FNDC3B: variants seen among roughly 807,000 people sequenced by gnomAD.
FNDC3B encodes fibronectin type III domain containing 3B.
In FNDC3B, 12 loss-of-function variants were observed where a neutral mutation model predicts 151.5. That is an observed-to-expected ratio of 0.08 (90% CI 0.05 to 0.13). The LOEUF (loss-of-function observed/expected upper bound fraction) is 0.13, where lower values mean the gene tolerates loss of function less well. Ranked by LOEUF, FNDC3B falls within the 10% of genes least tolerant of loss-of-function variation. The probability of loss-of-function intolerance (pLI) is 1.00; values close to 1 mark genes in which losing one functional copy is unlikely to be tolerated. For missense variants in FNDC3B, 1,214 were observed against 1,505.3 expected (o/e 0.81, Z 3.20); for synonymous variants, 528 against 549.0 (o/e 0.96, Z 0.54).
At chr3:172,202,487 G>A (rs1045216399) in intron 3 of FNDC3B, among the ~76,000 whole-genome samples, 2 of 152,016 alleles carry the variant, frequency 1.3e-5, no homozygotes, top group East Asian at 1.9e-4. Context: ...GATCCCTCCC[G>A]TCCCCTGTTA....
chr3:172,257,608 ACG>A (rs1560043301), intron 6 of FNDC3B, among the ~76,000 whole-genome samples: 1 of 142,936 alleles, frequency 7.0e-6, no homozygotes, highest in Non-Finnish European at 1.5e-5. Flanking sequence ...ACACACACAC[ACG>A]CACTCTGAAA....
intron 3 of FNDC3B, among the ~76,000 whole-genome samples, chr3:172,201,756 T>G (rs1725169598): frequency 6.6e-6 from 1 of 152,256 alleles, no homozygotes; most frequent in Non-Finnish European, 1.5e-5. Context: ...CTTCATGTTT[T>G]CATGGCAGGG....
intron 3 of FNDC3B, among the ~76,000 whole-genome samples, chr3:172,143,221 T>G (rs4894812): frequency 0.51 from 77,770 of 151,938 alleles, 20,090 homozygotes; most frequent in East Asian, 0.64. Flanking sequence ...GTAGTTAAAT[T>G]TAGTTATTTT....
intron 1 of FNDC3B, among the ~76,000 whole-genome samples, chr3:172,075,736 C>CACACACAG (rs1380072830): frequency 2.3e-5 from 3 of 128,656 alleles, no homozygotes; most frequent in Non-Finnish European, 3.4e-5. Flanking sequence ...CACACACACA[C>CACACACAG]ACACACACAC....
At chr3:172,391,755 A>G (rs1736018709) in intron 25 of FNDC3B, among the ~76,000 whole-genome samples, 1 of 152,236 alleles carries the variant, frequency 6.6e-6, no homozygotes, top group African/African-American at 2.4e-5. Context: ...CTTTGAAGAT[A>G]GGGAAACCAA....
chr3:172,067,487 T>A (rs1346499136), intron 1 of FNDC3B, among the ~76,000 whole-genome samples: 1 of 152,204 alleles, frequency 6.6e-6, no homozygotes, highest in Non-Finnish European at 1.5e-5. Flanking sequence ...CACTTATGAA[T>A]GAAATACTAA....
intron 3 of FNDC3B, among the ~76,000 whole-genome samples, chr3:172,169,988 C>T (rs1014914434): frequency 6.6e-6 from 1 of 152,196 alleles, no homozygotes; most frequent in African/African-American, 2.4e-5. Flanking sequence ...CGGTTTCTGT[C>T]CCGTCCTCTG....
Position 172,174,942 on chromosome 3 carries a change from C to G in FNDC3B, c.187+41396C>G, listed in dbSNP as rs867132866. On this transcript the variant is annotated intron_variant, in intron 3 of 25. Coordinates refer to ENST00000415807, the MANE Select transcript of FNDC3B (RefSeq NM_022763.4). ...AGACCTTCCCCCCGCCACCCCCCCC[C>G]CCCCAATACAATTTGCTGTCCATCC... 9.0e-5 allele frequency among the ~76,000 whole-genome samples: 6 copies of G among 66,384 alleles called. 1 individual carries two copies. The highest frequency in any genetic ancestry group is 2.0e-4 in the Non-Finnish European group (5 of 25,126). 43.6% of individuals were successfully genotyped at this position (66,384 alleles called of 152,430 possible).
At chr3:172,391,799 A>T (rs1336008826) in intron 25 of FNDC3B, among the ~76,000 whole-genome samples, 1 of 152,220 alleles carries the variant, frequency 6.6e-6, no homozygotes, top group Non-Finnish European at 1.5e-5. Context: ...GACTTGCTTT[A>T]TCAAACTGGT....
Position 172,050,281 on chromosome 3 carries a change from T to C in FNDC3B, c.-29+10510T>C, listed in dbSNP as rs1044582803. ...AGTTCTTAAGGAAAATTACATACCA[T>C]TTACTACCACAAAATGTTTACCATT... On this transcript the variant is annotated intron_variant, in intron 1 of 25. Coordinates refer to ENST00000415807, the MANE Select transcript of FNDC3B (RefSeq NM_022763.4). Among the ~76,000 whole-genome samples the C allele has an allele frequency of 2.6e-5, 4 of 152,198 alleles. No individual in the cohort carries two copies. The East Asian group carries it at 7.7e-4, about 29-fold the overall frequency.
intron 4 of FNDC3B, 102 bp downstream of exon 4, chr3:172,227,049 G>A: frequency 2.5e-6 from 2 of 803,324 alleles, no homozygotes; most frequent in Middle Eastern, 2.3e-4. Flanking sequence ...GTTAATTTGG[G>A]TACCGTAGTG....
intron 1 of FNDC3B, among the ~76,000 whole-genome samples, chr3:172,104,387 G>A (rs1055465725): frequency 8.6e-5 from 13 of 150,578 alleles, no homozygotes; most frequent in African/African-American, 3.2e-4. Flanking sequence ...CAGTGCTGGA[G>A]CCTGTCCACT....
chr3:172,381,178 C>A, intron 25 of FNDC3B, 85 bp downstream of exon 25: 1 of 1,459,720 alleles, frequency 6.9e-7, no homozygotes, highest in African/African-American at 1.4e-5. Flanking sequence ...ACTCAGTGAA[C>A]TATGTTTTTC....
In FNDC3B at chr3:172,347,875, A is replaced by T. The variant is rs188525845; in HGVS notation, c.2514+514A>T. Among the ~76,000 whole-genome samples the T allele has an allele frequency of 2.0e-5, 3 of 152,346 alleles. No individual in the cohort carries two copies. The East Asian group carries it at 5.8e-4, about 29-fold the overall frequency. Reference sequence around the variant, plus strand: ...CAAGGCTGGTTATCTATAAGCTTCCACTTGGGAGTCCAGATAGAATAACAT... The same window carrying T: ...CAAGGCTGGTTATCTATAAGCTTCCTCTTGGGAGTCCAGATAGAATAACAT... On this transcript the variant is annotated intron_variant, in intron 21 of 25. Coordinates refer to ENST00000415807, the MANE Select transcript of FNDC3B (RefSeq NM_022763.4).
At chr3:172,172,259 G>A (rs995291310) in intron 3 of FNDC3B, among the ~76,000 whole-genome samples, 4 of 152,052 alleles carry the variant, frequency 2.6e-5, no homozygotes, top group African/African-American at 4.8e-5. Context: ...GAAATTTTTC[G>A]TCAAGTGTAC....
At chr3:172,206,151 G>T (rs1168245100) in intron 3 of FNDC3B, among the ~76,000 whole-genome samples, 1 of 152,122 alleles carries the variant, frequency 6.6e-6, no homozygotes, top group Non-Finnish European at 1.5e-5. Flanking sequence ...AGACTATAGG[G>T]ATGATTGAAA....
chr3:172,211,925 T>C (rs1054221284), intron 3 of FNDC3B, among the ~76,000 whole-genome samples: 6 of 152,232 alleles, frequency 3.9e-5, no homozygotes, highest in Non-Finnish European at 7.3e-5. Flanking sequence ...ATTAAAGATG[T>C]TTATAAATGT....
At chr3:172,255,016 T>C (rs1728259035) in intron 6 of FNDC3B, among the ~76,000 whole-genome samples, 1 of 152,254 alleles carries the variant, frequency 6.6e-6, no homozygotes, top group African/African-American at 2.4e-5. Context: ...TTGAATATTC[T>C]TGTCTCTCTC....
intron 3 of FNDC3B, among the ~76,000 whole-genome samples, chr3:172,201,278 G>T (rs1330793925): frequency 6.6e-6 from 1 of 152,204 alleles, no homozygotes; most frequent in African/African-American, 2.4e-5. Context: ...GGGAAGCGCA[G>T]GGTGGAGTTT....
Sources: allele counts gnomAD v4.1 joint callset (sites outside exome capture counted in the v4.1 genomes callset), GRCh38; gene constraint gnomAD v4.1.1; transcripts MANE v1.5; gene names NCBI Gene and HGNC (gene_info 2026-07-23, HGNC 2026-07-21).